SCLY: variants seen among roughly 807,000 people sequenced by gnomAD.
SCLY encodes the protein selenocysteine lyase, also known as putative selenocysteine lyase.
SCLY carries 38 observed loss-of-function variants against 50.1 expected under a neutral mutation model. The ratio of observed to expected loss-of-function variants is 0.76; its 90% CI spans 0.59 to 0.99. The LOEUF (loss-of-function observed/expected upper bound fraction) is 0.99. Ranked by LOEUF, SCLY falls within the 50% of genes least tolerant of loss-of-function variation. The pLI, the probability that SCLY is intolerant of heterozygous loss-of-function variation, is 0.00. For missense variants in SCLY, 600 were observed against 620.0 expected, an observed-to-expected ratio of 0.97 and a Z score of 0.34; for synonymous variants, 243 against 249.4, an observed-to-expected ratio of 0.97 and a Z score of 0.24.
rs1027545306 is a variant in SCLY at position 238,098,094 on chromosome 2, A to T, written c.1185-108A>T. The stretch of plus-strand genomic sequence containing the variant: ...GGTGGATGCCAGGCGAGGCAGGCGC[A>T]CATCCGGGTGGGCAGAGCCCCACTA... On this transcript the variant is annotated intron_variant, in intron 11 of 11. Coordinates refer to ENST00000254663, the MANE Select transcript of SCLY (RefSeq NM_016510.7). The T allele has an allele frequency of 7.5e-6, 10 of 1,332,602 alleles. No individual in the cohort carries two copies. The African/African-American group carries it at 1.5e-4, about 19-fold the overall frequency. The allele number at this position is 1,332,602 out of a possible 1,614,324, so 82.5% of individuals were successfully genotyped here.
intron 7 of SCLY, among the ~76,000 whole-genome samples, chr2:238,084,431 A>G (rs1266752674): frequency 3.3e-5 from 5 of 151,794 alleles, no homozygotes; most frequent in Non-Finnish European, 7.4e-5. Context: ...TCTCTACTAA[A>G]AATATAAAAA....
chr2:238,075,446 C>T (rs1431276575), intron 4 of SCLY, among the ~76,000 whole-genome samples: 4 of 152,124 alleles, frequency 2.6e-5, no homozygotes, highest in African/African-American at 9.7e-5. Context: ...TTTGTGAAGA[C>T]TTGGTTTTAA....
In SCLY at chr2:238,083,382, G is replaced by A; in HGVS notation, c.884+28G>A. 1 of 1,454,954 alleles carries A rather than the reference G, an allele frequency of 6.9e-7. No individual in the cohort carries two copies. The highest frequency in any genetic ancestry group is 9.7e-7 in the Non-Finnish European group (1 of 1,035,276). 90.1% of individuals were successfully genotyped at this position (1,454,954 alleles called of 1,614,324 possible). A position where few individuals can be genotyped will look rare whatever the true frequency, so the allele number is the denominator to read the frequency against. ...AAGGCAGAAAGTTAACAAAGTCTCT[G>A]ACCTACTGACCGTGTCATTTGTAGA... On this transcript the variant is annotated intron_variant, in intron 7 of 11. Transcript: ENST00000254663. The surrounding 1 kb of genome is among the most constrained non-coding windows in gnomAD (Gnocchi z 4.3).
At position 238,061,097 on chromosome 2, in the gene SCLY, G is replaced by C; in HGVS notation, c.43G>C (p.Ala15Pro). The change falls in exon 1 of 12, where the codon GCG (alanine) becomes CCG (proline). Residue 15 changes from alanine to proline, a missense_variant. Physicochemically the swap from Ala to Pro is conservative, Grantham distance 27. Coordinates refer to ENST00000254663, the MANE Select transcript of SCLY (RefSeq NM_016510.7). ...GCCGGGGAGGGATGCGCCGGCACCC[G>C]CGGCGAGTCAGCCCAGCGGCTGCGG... is the stretch of plus-strand genomic sequence containing the variant. ...VAPGRDAPAP[A>P]ASQPSGCGKH... The C allele has an allele frequency of 7.1e-7, 1 of 1,403,944 alleles. No individual in the cohort carries two copies. The highest frequency in any genetic ancestry group is 9.2e-7 in the Non-Finnish European group (1 of 1,088,688). The allele number at this position is 1,403,944 out of a possible 1,614,324, so 87.0% of individuals were successfully genotyped here.
rs980125394 is a variant in SCLY at position 238,098,971 on chromosome 2, C to T, written c.*616C>T. The stretch of plus-strand genomic sequence containing the variant: ...CTCAGTGCACAGTGGCCCCCAGCCT[C>T]GGCCAGGCCTGCTCTGCTCAGCGCC... On this transcript the variant is annotated 3_prime_UTR_variant, in exon 12 of 12. Transcript: ENST00000254663. The T allele has an allele frequency of 7.4e-6, 2 of 271,868 alleles. No individual in the cohort carries two copies. Among genetic ancestry groups the T allele is most frequent in the South Asian group, 3.9e-5 (1 of 25,602 alleles). The allele number at this position is 271,868 out of a possible 1,614,324, so 16.8% of individuals were successfully genotyped here. A position where few individuals can be genotyped will look rare whatever the true frequency, so the allele number is the denominator to read the frequency against.
rs188938083 is a variant in SCLY, at chr2:238,065,432, G to T, written c.202+963G>T. 5.9e-5 allele frequency among the ~76,000 whole-genome samples: 9 copies of T among 152,138 alleles called. No homozygotes were observed. In the East Asian group the frequency reaches 1.7e-3, roughly 29 times the overall value. On this transcript the variant is annotated intron_variant, in intron 2 of 11. Transcript: ENST00000254663. ...AGGCATTGTCTCATGAAAAAGTCTG[G>T]GAATCGCTCTCAGGGAGAAATCATG...
rs537940131 is a variant in SCLY at position 238,097,001 on chromosome 2, C to T, written c.1184+125C>T. On this transcript the variant is annotated intron_variant, in intron 11 of 11. Transcript: ENST00000254663. Reference sequence around the variant, plus strand: ...CTGGTGAAGGACAGCCCTGTCTGGGCCCTAGGAGGGGCAGAGGGAGGGCTT... The same window carrying T: ...CTGGTGAAGGACAGCCCTGTCTGGGTCCTAGGAGGGGCAGAGGGAGGGCTT... 5 of 943,470 alleles carry T rather than the reference C, an allele frequency of 5.3e-6. No homozygotes were observed. In the African/African-American group the frequency reaches 6.8e-5, roughly 13 times the overall value. The allele number at this position is 943,470 out of a possible 1,614,324, so 58.4% of individuals were successfully genotyped here.
intron 8 of SCLY, 155 bp downstream of exon 8, chr2:238,091,409 A>G (rs1321518851): frequency 1.4e-6 from 1 of 726,744 alleles, no homozygotes; most frequent in African/African-American, 1.8e-5. Flanking sequence ...ATCAACCTGG[A>G]GAGCTGTACT....
intron 1 of SCLY, 120 bp from the exon 2 acceptor site, chr2:238,064,237 A>G: frequency 1.9e-6 from 1 of 532,476 alleles, no homozygotes; most frequent in Admixed American, 3.8e-5. Flanking sequence ...GTGCTTATGC[A>G]GAGGATCACC....
chr2:238,079,068 C>CTTT (rs59238768), intron 4 of SCLY: 16 of 93,182 alleles, frequency 1.7e-4, no homozygotes, highest in Non-Finnish European at 2.8e-4. Context: ...CTTTCTTTTT[C>CTTT]TTTTTTTTTT....
At chr2:238,074,868 T>C (rs548864088) in intron 4 of SCLY, among the ~76,000 whole-genome samples, 1 of 152,314 alleles carries the variant, frequency 6.6e-6, no homozygotes, top group East Asian at 1.9e-4. Context: ...TAGAGATAGT[T>C]TTACTTCTTG....
intron 3 of SCLY, among the ~76,000 whole-genome samples, chr2:238,068,410 G>A (rs528397824): frequency 6.6e-6 from 1 of 151,938 alleles, no homozygotes; most frequent in Non-Finnish European, 1.5e-5. Context: ...TTAGCTGGGC[G>A]TGGTGGTGTA....
At chr2:238,091,517 CAGCAGAGG>C in intron 8 of SCLY, 1 of 488,252 alleles carries the variant, frequency 2.0e-6, no homozygotes, top group Non-Finnish European at 3.8e-6. Context: ...GATACTGTTA[CAGCAGAGG>C]TGAAGTGTCA....
At chr2:238,062,194 T>A (rs964681424) in intron 1 of SCLY, among the ~76,000 whole-genome samples, 9 of 152,214 alleles carry the variant, frequency 5.9e-5, no homozygotes, top group African/African-American at 2.2e-4. Flanking sequence ...ATAGATTTGT[T>A]CAGCCCAGCA....
At chr2:238,078,689 A>T (rs1449696232) in intron 4 of SCLY, 1 of 151,272 alleles carries the variant, frequency 6.6e-6, no homozygotes, top group Non-Finnish European at 1.5e-5. Context: ...ATTGTTACAA[A>T]TATCTTTTTT....
Position 238,098,581 on chromosome 2 carries a change from CCGCCCACATAGGA to C in SCLY, c.*228_*240del. 3.1e-6 allele frequency: 1 copy of C among 326,100 alleles called. No homozygotes were observed. Among genetic ancestry groups the C allele is most frequent in the Non-Finnish European group, 5.2e-6 (1 of 191,000 alleles). 20.2% of individuals were successfully genotyped at this position (326,100 alleles called of 1,614,324 possible). A position where few individuals can be genotyped will look rare whatever the true frequency, so the allele number is the denominator to read the frequency against. ...GCCGCATAGGACTGCCCACATGGGA[CCGCCCACATAGGA>C]CCGCCCACATAGGACCGCCCACATG... On this transcript the variant is annotated 3_prime_UTR_variant, in exon 12 of 12. Coordinates refer to ENST00000254663, the MANE Select transcript of SCLY (RefSeq NM_016510.7).
At position 238,067,236 on chromosome 2, in the gene SCLY, C is replaced by A. The variant is rs981803791; in HGVS notation, c.203-829C>A. On this transcript the variant is annotated intron_variant, in intron 2 of 11. Coordinates refer to ENST00000254663, the MANE Select transcript of SCLY (RefSeq NM_016510.7). The surrounding 1 kb of genome is among the most constrained non-coding windows in gnomAD (Gnocchi z 4.3). ...AGGAAACTACTACTAAAACTGACAT[C>A]TATACAGTAGCGTTAAGGAGCAGCA... Among the ~76,000 whole-genome samples the A allele has an allele frequency of 2.6e-5, 4 of 152,190 alleles. No individual in the cohort carries two copies. The highest frequency in any genetic ancestry group is 1.5e-5 in the Non-Finnish European group (1 of 68,032).
chr2:238,094,429 G>T lies in SCLY; in HGVS notation c.1015G>T (p.Gly339Cys), dbSNP rs767479442. ...CACTTATTTTTTTCAGGCTGAATTC[G>T]GTCAGAAGAGAATCCATCTGAATAG... ...YLEERLEAEF[G>C]QKRIHLNSQF... Residue 339 changes from glycine (G) to cysteine (C), a missense_variant, in exon 10 of 12, where the codon GGT (glycine) becomes TGT (cysteine). Transcript: ENST00000254663. 9 of 1,613,168 alleles carry T rather than the reference G, an allele frequency of 5.6e-6. No homozygotes were observed. Among genetic ancestry groups the T allele is most frequent in the Non-Finnish European group, 7.6e-6 (9 of 1,179,434 alleles).
chr2:238,090,623 G>A (rs557839085), intron 7 of SCLY, among the ~76,000 whole-genome samples: 15 of 152,220 alleles, frequency 9.9e-5, no homozygotes, highest in East Asian at 7.7e-4. Context: ...GCAACAGAAC[G>A]AGACCCCATC....
Sources: allele counts gnomAD v4.1 joint callset (sites outside exome capture counted in the v4.1 genomes callset), GRCh38; gene constraint gnomAD v4.1.1; non-coding constraint Gnocchi (gnomAD v3.1); transcripts MANE v1.5; gene names NCBI Gene and HGNC (gene_info 2026-07-23, HGNC 2026-07-21).